MED16: variants seen among roughly 807,000 people sequenced by gnomAD.
The protein encoded by MED16 is mediator complex subunit 16.
In MED16, 81 loss-of-function variants were observed where a neutral mutation model predicts 84.4. The observed-to-expected ratio is 0.96, with a 90% CI of 0.80 to 1.15. The LOEUF is 1.15. Ranked by LOEUF, MED16 falls within the 50% of genes most tolerant of loss-of-function variation. MED16 has a pLI of 0.00. For missense variants in MED16, 1,585 were observed against 1,245.9 expected (o/e 1.27, Z -4.10); for synonymous variants, 897 against 552.2 (o/e 1.62, Z -8.76).
At chr19:879,915 C>G in intron 8 of MED16, 22 bp downstream of exon 8, 3 of 1,571,122 alleles carry the variant, frequency 1.9e-6, no homozygotes, top group Non-Finnish European at 2.6e-6. Context: ...CAGCCCCGGC[C>G]CCACGTGCCC....
Position 890,134 on chromosome 19 carries a change from C to A in MED16, c.277+3G>T, listed in dbSNP as rs369767102. 8 of 1,544,694 alleles carry A rather than the reference C, an allele frequency of 5.2e-6. No homozygotes were observed. In the African/African-American group the frequency reaches 1.1e-4, roughly 21 times the overall value. ...CCCTGGCCACGTGGGACCAGCGCCT[C>A]ACCTGACTGGTCCCACTCCAGGCAG... On this transcript the variant is annotated splice_donor_region_variant and intron_variant, in intron 3 of 15. Coordinates refer to ENST00000325464, the MANE Select transcript of MED16 (RefSeq NM_005481.3).
chr19:873,586 C>T lies in MED16; in HGVS notation c.1772-4G>A. 1 of 1,612,142 alleles carries T rather than the reference C, an allele frequency of 6.2e-7. No homozygotes were observed. Among genetic ancestry groups the T allele is most frequent in the Non-Finnish European group, 8.5e-7 (1 of 1,179,600 alleles). ...TTGATCATGACCTTGTCAATGTCTA[C>T]AAGGAGACGTGGGTCGGGTCAGCTC... On this transcript the variant is annotated splice_polypyrimidine_tract_variant and splice_region_variant and intron_variant, in intron 10 of 15. Transcript: ENST00000325464.
intron 11 of MED16, among the ~76,000 whole-genome samples, chr19:872,334 G>C (rs1358481670): frequency 6.6e-6 from 1 of 152,014 alleles, no homozygotes; most frequent in Non-Finnish European, 1.5e-5. Flanking sequence ...CATTTGCAGA[G>C]TCGTCCCATC....
chr19:875,051 C>A (rs573187348), intron 10 of MED16, among the ~76,000 whole-genome samples, 193 bp downstream of exon 10: 32 of 152,258 alleles, frequency 2.1e-4, no homozygotes, highest in African/African-American at 7.0e-4. Context: ...GTAATCCCAG[C>A]TACTTGGGAG....
chr19:888,835 C>G (rs1053782122), intron 4 of MED16, among the ~76,000 whole-genome samples: 3 of 152,182 alleles, frequency 2.0e-5, no homozygotes, highest in Non-Finnish European at 4.4e-5. Flanking sequence ...GAGAAAAGAT[C>G]TTGTCCACTG....
intron 11 of MED16, among the ~76,000 whole-genome samples, chr19:872,457 G>A (rs1247072194): frequency 6.6e-6 from 1 of 152,062 alleles, no homozygotes; most frequent in Non-Finnish European, 1.5e-5. Flanking sequence ...CCTGGTGACT[G>A]TACTGGGAGC....
chr19:876,929 A>AGGGCCCCCACCTGCCACG (rs1319779959), intron 9 of MED16, 45 bp downstream of exon 9: 22 of 1,230,958 alleles, frequency 1.8e-5, no homozygotes, highest in African/African-American at 7.3e-5. Context: ...CACCTGCCAC[A>AGGGCCCCCACCTGCCACG]GGGCCCCCAC....
At chr19:869,247 G>A (rs189072618) in intron 13 of MED16, among the ~76,000 whole-genome samples, 249 of 152,300 alleles carry the variant, frequency 1.6e-3, no homozygotes, top group South Asian at 0.01. Flanking sequence ...GGTCCGCCAC[G>A]TGCCCGGGGA....
At chr19:870,882 G>A (rs1167541855) in intron 13 of MED16, among the ~76,000 whole-genome samples, 155 bp downstream of exon 13, 1 of 145,458 alleles carries the variant, frequency 6.9e-6, no homozygotes, top group African/African-American at 2.6e-5. Flanking sequence ...GGATTCGGGG[G>A]GTCCCGGGCA....
chr19:891,164 T>A lies in MED16; in HGVS notation c.-18-15A>T. ...GTCACCAGCTCCTGCGGGAGGGAGGTGTGGTGGGACGTCTATGTTGGCTGA... is the reference window on the plus strand; with the variant it reads ...GTCACCAGCTCCTGCGGGAGGGAGGAGTGGTGGGACGTCTATGTTGGCTGA... On this transcript the variant is annotated splice_polypyrimidine_tract_variant and intron_variant, in intron 1 of 15. Transcript: ENST00000325464. 6.3e-7 allele frequency: 1 copy of A among 1,594,578 alleles called. No homozygotes were observed. The highest frequency in any genetic ancestry group is 8.5e-7 in the Non-Finnish European group (1 of 1,169,658).
intron 4 of MED16, among the ~76,000 whole-genome samples, chr19:889,344 G>C (rs546277765): frequency 1.3e-5 from 2 of 151,956 alleles, no homozygotes; most frequent in Non-Finnish European, 2.9e-5. Context: ...GTAGCCTCCA[G>C]TGAAAGAGAT....
intron 7 of MED16, 62 bp from the exon 8 acceptor site, chr19:880,210 G>C (rs1251879962): frequency 2.0e-6 from 3 of 1,475,602 alleles, no homozygotes; most frequent in Non-Finnish European, 2.7e-6. Flanking sequence ...CCGGGGGAGG[G>C]GCCTCCTGCT....
At chr19:874,827 G>A (rs770945217) in intron 10 of MED16, among the ~76,000 whole-genome samples, 4 of 151,890 alleles carry the variant, frequency 2.6e-5, no homozygotes, top group African/African-American at 7.3e-5. Flanking sequence ...CTGGGACTGC[G>A]TCACCGTGCT....
chr19:876,707 C>A (rs192338814), intron 9 of MED16, among the ~76,000 whole-genome samples: 1 of 152,114 alleles, frequency 6.6e-6, no homozygotes, highest in Admixed American at 6.5e-5. Context: ...CGCAGGGAAA[C>A]CCCTCCAGCT....
At chr19:890,077 G>GGGCCC in intron 3 of MED16, 60 bp downstream of exon 3, 1 of 1,318,612 alleles carries the variant, frequency 7.6e-7, no homozygotes, top group Admixed American at 2.0e-5. Flanking sequence ...GAGAAACACA[G>GGGCCC]GGCCCCCCTG....
chr19:876,950 G>A, intron 9 of MED16, 24 bp downstream of exon 9: 5 of 1,511,764 alleles, frequency 3.3e-6, no homozygotes, highest in African/African-American at 1.5e-5. Flanking sequence ...CTGCCACGGG[G>A]CCCCACCTGC....
chr19:871,634 CCA>C, intron 12 of MED16: 1 of 1,594,822 alleles, frequency 6.3e-7, no homozygotes, highest in Non-Finnish European at 8.5e-7. Flanking sequence ...CCAAAAGCAC[CCA>C]CACAGAGCAT....
chr19:883,927 G>C (rs962180982), intron 6 of MED16, among the ~76,000 whole-genome samples: 1 of 152,148 alleles, frequency 6.6e-6, no homozygotes. Context: ...CTCTTCACCT[G>C]CCTGGTGACT....
chr19:874,005 G>A (rs1218053781), intron 10 of MED16, among the ~76,000 whole-genome samples: 1 of 152,212 alleles, frequency 6.6e-6, no homozygotes, highest in Non-Finnish European at 1.5e-5. Context: ...ATGCCTCTCG[G>A]ATGGTGACTA....
Sources: gnomAD v4.1 joint callset for allele counts (sites outside exome capture counted in the v4.1 genomes callset) on GRCh38, gnomAD v4.1.1 for gene constraint, MANE v1.5 for transcripts, NCBI Gene and HGNC (gene_info 2026-07-23, HGNC 2026-07-21) for gene names.